The following JAKMIP2 variants were observed in gnomAD, a reference collection of about 807,000 sequenced individuals.
JAKMIP2 encodes janus kinase and microtubule interacting protein 2.
A neutral mutation model predicts 115.0 loss-of-function variants in JAKMIP2; 25 were observed. The observed-to-expected ratio is 0.22, with a 90% confidence interval of 0.16 to 0.30. The LOEUF is 0.30. JAKMIP2 is among the 10% of genes least tolerant of loss of function. The pLI, the probability that JAKMIP2 is intolerant of heterozygous loss-of-function variation, is 1.00. For missense variants in JAKMIP2, 642 were observed against 957.6 expected (o/e 0.67, Z 4.35); for synonymous variants, 334 against 343.6 (o/e 0.97, Z 0.31).
chr5:147,619,883 G>T (rs1382346489), intron 18 of JAKMIP2, among the ~76,000 whole-genome samples: 11 of 152,236 alleles, frequency 7.2e-5, no homozygotes, highest in Middle Eastern at 6.8e-3. Flanking sequence ...TCGTATGTAA[G>T]ATATGAATAA....
chr5:147,747,969 T>C (rs1170495448), intron 1 of JAKMIP2, among the ~76,000 whole-genome samples: 5 of 152,224 alleles, frequency 3.3e-5, no homozygotes, highest in Non-Finnish European at 7.3e-5. Context: ...CTGCTGCCTG[T>C]TCTGAGGGGC....
At chr5:147,744,619 A>G (rs1754281989) in intron 1 of JAKMIP2, among the ~76,000 whole-genome samples, 2 of 152,224 alleles carry the variant, frequency 1.3e-5, no homozygotes, top group African/African-American at 4.8e-5. Context: ...TATTATATAA[A>G]ATTAATCATA....
intron 1 of JAKMIP2, among the ~76,000 whole-genome samples, chr5:147,734,668 A>G (rs1248076714): frequency 6.6e-6 from 1 of 151,592 alleles, no homozygotes; most frequent in Non-Finnish European, 1.5e-5. Flanking sequence ...AAAAAAAGGA[A>G]CGCCTTTTTG....
chr5:147,644,970 C>A lies in JAKMIP2; in HGVS notation c.963G>T (p.Lys321Asn). The change falls in exon 6 of 22, where the codon AAG becomes AAT. Residue 321 changes from lysine (K) to asparagine (N), a missense_variant. Around this residue, in one of 6 missense-constraint regions of JAKMIP2, gnomAD observed 439 missense variants for 570.9 expected, o/e 0.77. Transcript: ENST00000616793. ...TCCTTTCCAGGAGAGGTTTACATTG[C>A]TTTTCGGTTTCCCGCACACGTTTTA... ...ELLKRVRETEKQCKPLLERNK... is the reference protein window; with the variant it reads ...ELLKRVRETENQCKPLLERNK... 11 of 1,613,092 alleles carry A rather than the reference C, an allele frequency of 6.8e-6. No homozygotes were observed. The highest frequency in any genetic ancestry group is 9.3e-6 in the Non-Finnish European group (11 of 1,179,788).
chr5:147,660,286 GGGCTGAGGTAAGTCTT>G (rs902479226), intron 3 of JAKMIP2, among the ~76,000 whole-genome samples: 3 of 152,104 alleles, frequency 2.0e-5, no homozygotes, highest in Admixed American at 2.0e-4. Flanking sequence ...AACTCTGTAG[GGGCTGAGGTAAGTCTT>G]GGAAACTATA....
rs142646453 is a variant in JAKMIP2 at position 147,599,824 on chromosome 5, A to G, written c.*20+1917T>C. 6.2e-3 allele frequency among the ~76,000 whole-genome samples: 948 copies of G among 152,280 alleles called. 4 individuals carry two copies. The highest frequency in any genetic ancestry group is 0.011 in the Non-Finnish European group (759 of 68,032). ...ATTGGTAGCTGGATGGTCTTGGGAA[A>G]GTCACATGCTGTAGTTTCTCCAACT... On this transcript the variant is annotated intron_variant, in intron 21 of 21. Transcript: ENST00000616793.
At chr5:147,680,494 G>GC (rs36052052) in intron 1 of JAKMIP2, among the ~76,000 whole-genome samples, 30,079 of 152,020 alleles carry the variant, frequency 0.2, 3,938 homozygotes, top group East Asian at 0.45. Flanking sequence ...ATATAAAATA[G>GC]TTGCGTTCAC....
chr5:147,682,169 G>A (rs13153788), intron 1 of JAKMIP2, among the ~76,000 whole-genome samples: 21,244 of 152,140 alleles, frequency 0.14, 2,030 homozygotes, highest in East Asian at 0.45. Context: ...GGAATGCTAA[G>A]CATGAAGACC....
At chr5:147,631,319 G>T in intron 14 of JAKMIP2, 94 bp downstream of exon 14, 1 of 666,112 alleles carries the variant, frequency 1.5e-6, no homozygotes. Context: ...GACATCCAGT[G>T]ACTGAAAGAC....
intron 14 of JAKMIP2, among the ~76,000 whole-genome samples, chr5:147,630,825 G>A (rs1005687816): frequency 1.3e-5 from 2 of 152,180 alleles, no homozygotes; most frequent in Non-Finnish European, 1.5e-5. Context: ...CCCGGGGGAA[G>A]AGCTACCTCA....
At position 147,748,117 on chromosome 5, in the gene JAKMIP2, G is replaced by A. The variant is rs1398927956; in HGVS notation, c.-149+34339C>T. ...AATGATAAAAGTATAACATAATGTTGTAGAGTACAGAATGCCAGGGTTCAA... is the reference window on the plus strand; with the variant it reads ...AATGATAAAAGTATAACATAATGTTATAGAGTACAGAATGCCAGGGTTCAA... On this transcript the variant is annotated intron_variant, in intron 1 of 21. Coordinates refer to ENST00000616793, the MANE Select transcript of JAKMIP2 (RefSeq NM_001270941.2). 9.2e-5 allele frequency among the ~76,000 whole-genome samples: 14 copies of A among 152,180 alleles called. 1 individual carries two copies. The highest frequency in any genetic ancestry group is 9.2e-4 in the Admixed American group (14 of 15,272).
intron 2 of JAKMIP2, among the ~76,000 whole-genome samples, chr5:147,663,920 C>G (rs1026516316): frequency 1.3e-5 from 2 of 152,090 alleles, no homozygotes; most frequent in African/African-American, 4.8e-5. Flanking sequence ...CCGCTAGTTA[C>G]CATACTGCAA....
intron 3 of JAKMIP2, among the ~76,000 whole-genome samples, chr5:147,654,684 C>G (rs1272231795): frequency 6.6e-6 from 1 of 152,160 alleles, no homozygotes; most frequent in African/African-American, 2.4e-5. Context: ...TTCCTCTCTT[C>G]CTATCTGAAT....
chr5:147,728,056 T>G (rs1753588338), intron 1 of JAKMIP2, among the ~76,000 whole-genome samples: 1 of 152,228 alleles, frequency 6.6e-6, no homozygotes, highest in African/African-American at 2.4e-5. Flanking sequence ...CTGTTCTGTT[T>G]TGCTTTGCTT....
chr5:147,671,464 T>C (rs1342588247), intron 2 of JAKMIP2, among the ~76,000 whole-genome samples: 2 of 152,240 alleles, frequency 1.3e-5, no homozygotes, highest in Non-Finnish European at 2.9e-5. Context: ...CTAAGATCTG[T>C]CTAGTGAGTA....
chr5:147,676,451 C>T (rs964197252), intron 1 of JAKMIP2, among the ~76,000 whole-genome samples: 2 of 152,154 alleles, frequency 1.3e-5, no homozygotes, highest in Admixed American at 6.5e-5. Flanking sequence ...GCAGATTATC[C>T]GGAGGAAGGA....
intron 1 of JAKMIP2, among the ~76,000 whole-genome samples, chr5:147,764,276 C>T (rs1427258741): frequency 6.6e-6 from 1 of 151,978 alleles, no homozygotes; most frequent in Non-Finnish European, 1.5e-5. Context: ...TCTCGATGTT[C>T]CAATGAGAAC....
At chr5:147,614,457 G>T (rs529808511) in intron 19 of JAKMIP2, among the ~76,000 whole-genome samples, 1 of 152,108 alleles carries the variant, frequency 6.6e-6, no homozygotes, top group South Asian at 2.1e-4. Context: ...AGAAAACCTT[G>T]CTGGATCTAA....
chr5:147,631,923 C>T (rs1257607109), intron 13 of JAKMIP2, among the ~76,000 whole-genome samples: 3 of 152,208 alleles, frequency 2.0e-5, no homozygotes, highest in Non-Finnish European at 4.4e-5. Flanking sequence ...CTCTTCTTCA[C>T]TGAAGCCTAC....
Sources: allele counts gnomAD v4.1 joint callset (sites outside exome capture counted in the v4.1 genomes callset), GRCh38; gene constraint gnomAD v4.1.1; regional missense constraint gnomAD v4.1.1; transcripts MANE v1.5; gene names NCBI Gene and HGNC (gene_info 2026-07-23, HGNC 2026-07-21).